The following STAMBPL1 variants were observed in gnomAD, a reference collection of about 807,000 sequenced individuals.
The protein encoded by STAMBPL1 is AMSH-like protease.
In STAMBPL1, 44 loss-of-function variants were observed where a neutral mutation model predicts 52.9. That is an observed-to-expected ratio of 0.83 (90% CI 0.65 to 1.07). The LOEUF is 1.07. STAMBPL1 is among the 50% of genes least tolerant of loss of function. The pLI, the probability that STAMBPL1 is intolerant of heterozygous loss-of-function variation, is 0.00. For synonymous variants in STAMBPL1, 164 were observed against 177.3 expected, an observed-to-expected ratio of 0.92 and a Z score of 0.60; for missense variants, 511 against 520.8, an observed-to-expected ratio of 0.98 and a Z score of 0.18.
intron 1 of STAMBPL1, among the ~76,000 whole-genome samples, chr10:88,899,439 T>A (rs1844890222): frequency 6.6e-6 from 1 of 152,228 alleles, no homozygotes; most frequent in Admixed American, 6.5e-5. Flanking sequence ...TATCCTAATA[T>A]TTTCAACCTT....
chr10:88,894,226 T>G (rs1356714619), intron 1 of STAMBPL1, among the ~76,000 whole-genome samples: 1 of 152,176 alleles, frequency 6.6e-6, no homozygotes, highest in Non-Finnish European at 1.5e-5. Context: ...AATTCAGATG[T>G]TCTAACCCTG....
At chr10:88,889,492 T>A (rs1386807913) in intron 1 of STAMBPL1, among the ~76,000 whole-genome samples, 2 of 152,206 alleles carry the variant, frequency 1.3e-5, no homozygotes, top group African/African-American at 4.8e-5. Context: ...ATTTTTACTC[T>A]TTTTCTTACT....
At chr10:88,922,053 ACT>A (rs2133221949) in intron 9 of STAMBPL1, among the ~76,000 whole-genome samples, 1 of 151,966 alleles carries the variant, frequency 6.6e-6, no homozygotes, top group South Asian at 2.1e-4. Flanking sequence ...CTCTCATGAG[ACT>A]CTCTAGTGGG....
At chr10:88,910,822 A>T in intron 4 of STAMBPL1, 94 bp from the exon 5 acceptor site, 1 of 785,852 alleles carries the variant, frequency 1.3e-6, no homozygotes, top group Non-Finnish European at 2.0e-6. Context: ...CTTTATTTGC[A>T]GTATACCTAC....
intron 1 of STAMBPL1, among the ~76,000 whole-genome samples, chr10:88,885,993 G>A (rs1385429137): frequency 6.6e-6 from 1 of 152,082 alleles, no homozygotes; most frequent in African/African-American, 2.4e-5. Context: ...GTATAAAGTT[G>A]AATTTGCCTC....
intron 1 of STAMBPL1, among the ~76,000 whole-genome samples, chr10:88,890,147 A>G (rs1844641870): frequency 6.6e-6 from 1 of 152,228 alleles, no homozygotes; most frequent in South Asian, 2.1e-4. Context: ...GACTTTGCAT[A>G]GTGCATCTAA....
intron 8 of STAMBPL1, among the ~76,000 whole-genome samples, chr10:88,920,601 T>G (rs1466838018): frequency 5.3e-5 from 8 of 152,200 alleles, no homozygotes; most frequent in Non-Finnish European, 1.2e-4. Flanking sequence ...GAACCTCCGA[T>G]TGGCCATGCA....
intron 1 of STAMBPL1, among the ~76,000 whole-genome samples, chr10:88,891,474 T>C (rs1236692577): frequency 6.6e-6 from 1 of 152,154 alleles, no homozygotes; most frequent in Non-Finnish European, 1.5e-5. Flanking sequence ...CTAAAATTAG[T>C]GGGCAATGGT....
chr10:88,885,161 A>T (rs928281573), intron 1 of STAMBPL1, among the ~76,000 whole-genome samples: 1 of 152,202 alleles, frequency 6.6e-6, no homozygotes, highest in South Asian at 2.1e-4. Flanking sequence ...AACCCAGGCA[A>T]TATGACTCCA....
At chr10:88,911,483 A>G (rs757679620) in intron 5 of STAMBPL1, among the ~76,000 whole-genome samples, 1 of 152,216 alleles carries the variant, frequency 6.6e-6, no homozygotes, top group Non-Finnish European at 1.5e-5. Flanking sequence ...AAATGTAATC[A>G]TATCACCCAA....
chr10:88,894,508 A>G (rs948051432), intron 1 of STAMBPL1, among the ~76,000 whole-genome samples: 1 of 152,268 alleles, frequency 6.6e-6, no homozygotes, highest in Non-Finnish European at 1.5e-5. Context: ...GAAATCATGT[A>G]GCACATTCAC....
rs11202887 is a variant in STAMBPL1, at chr10:88,906,900, C to T, written c.248+1240C>T. Among the ~76,000 whole-genome samples the T allele has an allele frequency of 4.9e-3, 753 of 152,276 alleles. 3 individuals carry two copies. Among genetic ancestry groups the T allele is most frequent in the Non-Finnish European group, 8.1e-3 (552 of 68,020 alleles). On this transcript the variant is annotated intron_variant, in intron 3 of 10. Transcript: ENST00000371926. ...ATAGGCATGAGCTACTGTGCCAGAC[C>T]CAAGCTGCATAATTATGCAATACAT...
intron 1 of STAMBPL1, among the ~76,000 whole-genome samples, chr10:88,895,463 T>A (rs1352446394): frequency 1.3e-5 from 2 of 152,176 alleles, no homozygotes; most frequent in Non-Finnish European, 2.9e-5. Context: ...AAGCAAGTAG[T>A]TACACATCAA....
At chr10:88,885,101 A>G (rs1348402123) in intron 1 of STAMBPL1, among the ~76,000 whole-genome samples, 2 of 152,216 alleles carry the variant, frequency 1.3e-5, no homozygotes, top group East Asian at 1.9e-4. Flanking sequence ...CAAATGAGCT[A>G]TGTGAATTGC....
chr10:88,914,666 CT>C lies in STAMBPL1; in HGVS notation c.903+13del. On this transcript the variant is annotated intron_variant, in intron 7 of 10. Coordinates refer to ENST00000371926, the MANE Select transcript of STAMBPL1 (RefSeq NM_020799.4). ...ATACTCTGTGGAAAACTGGTATGAT[CT>C]TTTTATATAAATATATATATATATA... 8.6e-7 allele frequency: 1 copy of C among 1,164,804 alleles called. No individual in the cohort carries two copies. Among genetic ancestry groups the C allele is most frequent in the Non-Finnish European group, 1.1e-6 (1 of 886,468 alleles). The allele number at this position is 1,164,804 out of a possible 1,614,324, so 72.2% of individuals were successfully genotyped here.
chr10:88,904,614 C>T (rs1193902018), intron 2 of STAMBPL1, among the ~76,000 whole-genome samples: 1 of 151,934 alleles, frequency 6.6e-6, no homozygotes, highest in African/African-American at 2.4e-5. Flanking sequence ...AAGATACTTG[C>T]TATGTGGCAC....
intron 6 of STAMBPL1, 42 bp from the exon 7 acceptor site, chr10:88,914,492 A>G: frequency 2.1e-6 from 3 of 1,419,334 alleles, no homozygotes; most frequent in South Asian, 1.7e-5. Context: ...GATGGGACAT[A>G]TAGTTTGTTT....
intron 8 of STAMBPL1, among the ~76,000 whole-genome samples, chr10:88,919,744 A>G (rs1260821179): frequency 6.6e-6 from 1 of 152,144 alleles, no homozygotes; most frequent in East Asian, 1.9e-4. Context: ...TTTATATGCC[A>G]AGTGTTATTT....
chr10:88,908,278 G>A (rs1183481275), intron 3 of STAMBPL1, among the ~76,000 whole-genome samples: 4 of 152,160 alleles, frequency 2.6e-5, no homozygotes, highest in Non-Finnish European at 5.9e-5. Context: ...ACACGATGGC[G>A]CTGCTGATTC....
Sources: gnomAD v4.1 joint callset for allele counts (sites outside exome capture counted in the v4.1 genomes callset) on GRCh38, gnomAD v4.1.1 for gene constraint, MANE v1.5 for transcripts, NCBI Gene and HGNC (gene_info 2026-07-23, HGNC 2026-07-21) for gene names.